The following GLP2R variants were observed in gnomAD, a reference collection of about 807,000 sequenced individuals.
GLP2R encodes glucagon like peptide 2 receptor, also known as glucagon-like peptide 2 receptor.
GLP2R carries 59 observed loss-of-function variants against 68.2 expected under a neutral mutation model. The ratio of observed to expected loss-of-function variants is 0.87; its 90% CI spans 0.70 to 1.07. The LOEUF (loss-of-function observed/expected upper bound fraction) is 1.07. Ranked by LOEUF, GLP2R falls within the 50% of genes least tolerant of loss-of-function variation. GLP2R has a pLI of 0.00. For missense variants in GLP2R, 548 were observed against 677.4 expected, an observed-to-expected ratio of 0.81 and a Z score of 2.12; for synonymous variants, 270 against 265.4, an observed-to-expected ratio of 1.02 and a Z score of -0.17.
chr17:9,882,350 A>G (rs1225028856), intron 11 of GLP2R, among the ~76,000 whole-genome samples: 1 of 152,228 alleles, frequency 6.6e-6, no homozygotes, highest in Non-Finnish European at 1.5e-5. Flanking sequence ...GTGAAAAAAC[A>G]TGCTGATGGG....
At chr17:9,857,612 C>T (rs540970913) in intron 6 of GLP2R, 36 bp downstream of exon 6, 2 of 1,603,750 alleles carry the variant, frequency 1.2e-6, no homozygotes, top group South Asian at 1.1e-5. Context: ...CTGGACTCCC[C>T]ACCTGATGGG....
intron 1 of GLP2R, among the ~76,000 whole-genome samples, chr17:9,831,347 G>T (rs1451038668): frequency 6.6e-6 from 1 of 152,174 alleles, no homozygotes. Context: ...CCAGCCCTGT[G>T]CTGGGGGCTT....
At chr17:9,838,604 T>C (rs548898803) in intron 3 of GLP2R, among the ~76,000 whole-genome samples, 1 of 152,126 alleles carries the variant, frequency 6.6e-6, no homozygotes, top group South Asian at 2.1e-4. Context: ...AAAAGCCACA[T>C]TTACAAAGAA....
chr17:9,833,465 T>C lies in GLP2R; in HGVS notation c.190-342T>C, dbSNP rs56317392. On this transcript the variant is annotated intron_variant, in intron 1 of 12. Coordinates refer to ENST00000262441, the MANE Select transcript of GLP2R (RefSeq NM_004246.3). ...GTTGCGTCTTAGTGTGATGCGTCTC[T>C]CTTTGGGATCTACGTAGTCTTAGAA... 3.5e-3 allele frequency among the ~76,000 whole-genome samples: 527 copies of C among 152,316 alleles called. 2 individuals carry two copies. The highest frequency in any genetic ancestry group is 0.027 in the Middle Eastern group (8 of 294).
chr17:9,836,225 G>C, intron 2 of GLP2R, 146 bp from the exon 3 acceptor site: 1 of 625,166 alleles, frequency 1.6e-6, no homozygotes, highest in East Asian at 2.7e-5. Context: ...GACTCATCTA[G>C]AGAGTGGGGC....
chr17:9,842,272 C>G (rs978877559), intron 3 of GLP2R, among the ~76,000 whole-genome samples: 5 of 152,182 alleles, frequency 3.3e-5, no homozygotes, highest in African/African-American at 1.2e-4. Flanking sequence ...ACTCCAGAGA[C>G]TTTGGGTAAA....
chr17:9,880,717 T>A (rs2067187553), intron 11 of GLP2R, among the ~76,000 whole-genome samples: 1 of 152,158 alleles, frequency 6.6e-6, no homozygotes, highest in Non-Finnish European at 1.5e-5. Flanking sequence ...ATTCAGTGAC[T>A]AAGAAGGGGG....
chr17:9,861,244 C>A, intron 8 of GLP2R, 45 bp downstream of exon 8: 1 of 1,216,378 alleles, frequency 8.2e-7, no homozygotes, highest in Non-Finnish European at 1.2e-6. Flanking sequence ...CCGGTAATTC[C>A]CAGGCATGCC....
intron 10 of GLP2R, among the ~76,000 whole-genome samples, chr17:9,874,524 T>G (rs9674498): frequency 0.22 from 34,060 of 151,926 alleles, 4,544 homozygotes; most frequent in Non-Finnish European, 0.31. Context: ...AGAGGTACCT[T>G]GGTGTGTGTC....
chr17:9,857,152 C>T (rs189342867), intron 5 of GLP2R, among the ~76,000 whole-genome samples: 5 of 152,292 alleles, frequency 3.3e-5, no homozygotes, highest in Non-Finnish European at 5.9e-5. Context: ...GATCTCCTGA[C>T]GTCATGATCC....
chr17:9,875,843 C>T (rs1006719142), intron 10 of GLP2R, among the ~76,000 whole-genome samples: 1 of 152,200 alleles, frequency 6.6e-6, no homozygotes, highest in Non-Finnish European at 1.5e-5. Context: ...CTGGGCAGAG[C>T]TCTTGATTCA....
chr17:9,889,188 G>A (rs1483038145), intron 12 of GLP2R, among the ~76,000 whole-genome samples, 182 bp from the exon 13 acceptor site: 2 of 152,182 alleles, frequency 1.3e-5, no homozygotes, highest in Non-Finnish European at 2.9e-5. Flanking sequence ...GTCCTGCTTA[G>A]TACTCTCACA....
chr17:9,871,286 C>G (rs527712917), intron 10 of GLP2R, among the ~76,000 whole-genome samples: 12 of 149,150 alleles, frequency 8.0e-5, no homozygotes, highest in African/African-American at 3.0e-4. Flanking sequence ...CCCAGAAGGT[C>G]GAGGCTGCAG....
intron 11 of GLP2R, among the ~76,000 whole-genome samples, chr17:9,886,249 C>T (rs2067243336): frequency 6.6e-6 from 1 of 152,226 alleles, no homozygotes; most frequent in African/African-American, 2.4e-5. Context: ...GTTCCACCAG[C>T]CTCCTGCTAT....
In GLP2R at chr17:9,870,674, C is replaced by T. The variant is rs2067083990; in HGVS notation, c.1057-73C>T. On this transcript the variant is annotated intron_variant, in intron 9 of 12. Coordinates refer to ENST00000262441, the MANE Select transcript of GLP2R (RefSeq NM_004246.3). The stretch of plus-strand genomic sequence containing the variant: ...GAACTGATGGAACTGATGGCCGAGC[C>T]CAGCCTGACCTTGAAGTTCACAGCT... 5 of 780,494 alleles carry T rather than the reference C, an allele frequency of 6.4e-6. No individual in the cohort carries two copies. The Admixed American group carries it at 8.8e-5, about 14-fold the overall frequency. The allele number at this position is 780,494 out of a possible 1,614,324, so 48.3% of individuals were successfully genotyped here.
At chr17:9,887,530 C>A (rs972208453) in intron 11 of GLP2R, among the ~76,000 whole-genome samples, 3 of 152,044 alleles carry the variant, frequency 2.0e-5, no homozygotes, top group Non-Finnish European at 4.4e-5. Context: ...CCATCTCTAA[C>A]AAACAAACAA....
chr17:9,861,880 C>A, intron 8 of GLP2R, 141 bp from the exon 9 acceptor site: 1 of 684,222 alleles, frequency 1.5e-6, no homozygotes, highest in Non-Finnish European at 2.7e-6. Context: ...TCTCTTCTGC[C>A]TCTCCCACCC....
intron 3 of GLP2R, among the ~76,000 whole-genome samples, chr17:9,840,068 C>T (rs2066771521): frequency 6.6e-6 from 1 of 151,702 alleles, no homozygotes; most frequent in African/African-American, 2.4e-5. Context: ...CCTCTGCCTC[C>T]TGGGCTCAAA....
chr17:9,883,983 T>C (rs1209944204), intron 11 of GLP2R, among the ~76,000 whole-genome samples: 1 of 152,182 alleles, frequency 6.6e-6, no homozygotes, highest in Non-Finnish European at 1.5e-5. Flanking sequence ...GTTTTTTTTC[T>C]CATAACTGAT....
Sources: gnomAD v4.1 joint callset for allele counts (sites outside exome capture counted in the v4.1 genomes callset) on GRCh38, gnomAD v4.1.1 for gene constraint, MANE v1.5 for transcripts, NCBI Gene and HGNC (gene_info 2026-07-23, HGNC 2026-07-21) for gene names.